KCNIP4: variants seen among roughly 807,000 people sequenced by gnomAD.
The protein encoded by KCNIP4 is potassium voltage-gated channel interacting protein 4.
Under a neutral mutation model 34.0 loss-of-function variants are expected in KCNIP4, and 12 were observed. The ratio of observed to expected loss-of-function variants is 0.35; its 90% CI spans 0.23 to 0.57. The LOEUF is 0.57. KCNIP4 is among the 20% of genes least tolerant of loss of function. The pLI, the probability that KCNIP4 is intolerant of heterozygous loss-of-function variation, is 0.83. For missense variants in KCNIP4, 238 were observed against 311.7 expected, an observed-to-expected ratio of 0.76 and a Z score of 1.78; for synonymous variants, 124 against 102.2, an observed-to-expected ratio of 1.21 and a Z score of -1.29.
intron 1 of KCNIP4, among the ~76,000 whole-genome samples, chr4:21,298,354 G>A (rs1408919423): frequency 1.3e-5 from 2 of 152,034 alleles, no homozygotes; most frequent in Non-Finnish European, 2.9e-5. Context: ...TTCAATGCTG[G>A]ATGCACTTAC....
At chr4:21,346,075 T>C (rs1403147383) in intron 1 of KCNIP4, among the ~76,000 whole-genome samples, 2 of 129,382 alleles carry the variant, frequency 1.5e-5, no homozygotes, top group Non-Finnish European at 3.1e-5. Flanking sequence ...GTGTAATATA[T>C]ATATTTAAGA....
intron 1 of KCNIP4, among the ~76,000 whole-genome samples, chr4:21,890,775 A>G (rs1270139808): frequency 6.6e-6 from 1 of 152,106 alleles, no homozygotes; most frequent in African/African-American, 2.4e-5. Flanking sequence ...CCTCTTGGGA[A>G]AAGCATGCAT....
At chr4:21,016,548 G>A (rs1407518235) in intron 1 of KCNIP4, among the ~76,000 whole-genome samples, 1 of 152,110 alleles carries the variant, frequency 6.6e-6, no homozygotes, top group Non-Finnish European at 1.5e-5. Context: ...GCCCGCCTCG[G>A]CCTCCCAAAG....
At chr4:21,049,903 T>C (rs1165249245) in intron 1 of KCNIP4, among the ~76,000 whole-genome samples, 1 of 152,248 alleles carries the variant, frequency 6.6e-6, no homozygotes, top group Non-Finnish European at 1.5e-5. Context: ...ACTTTAGCTG[T>C]TGTTAGTTAA....
intron 2 of KCNIP4, among the ~76,000 whole-genome samples, chr4:20,878,412 A>G (rs1179602795): frequency 6.6e-6 from 1 of 152,138 alleles, no homozygotes; most frequent in Non-Finnish European, 1.5e-5. Flanking sequence ...AAGGACTTAA[A>G]AGACATCTTG....
At chr4:21,728,105 C>T (rs2109106136) in intron 1 of KCNIP4, among the ~76,000 whole-genome samples, 1 of 152,192 alleles carries the variant, frequency 6.6e-6, no homozygotes, top group African/African-American at 2.4e-5. Flanking sequence ...CCAGGTAATT[C>T]CATCTCAGTA....
At chr4:21,495,994 A>G (rs1162423387) in intron 1 of KCNIP4, among the ~76,000 whole-genome samples, 4 of 152,216 alleles carry the variant, frequency 2.6e-5, no homozygotes, top group Non-Finnish European at 5.9e-5. Context: ...TTGAGCCTTC[A>G]GCTGATTTTG....
chr4:20,857,309 C>T (rs987686808), intron 2 of KCNIP4, among the ~76,000 whole-genome samples: 1 of 152,070 alleles, frequency 6.6e-6, no homozygotes, highest in African/African-American at 2.4e-5. Flanking sequence ...CGTAGGACTG[C>T]GAATTCTCAT....
chr4:20,795,222 G>A (rs1366595291), intron 3 of KCNIP4, among the ~76,000 whole-genome samples: 1 of 152,100 alleles, frequency 6.6e-6, no homozygotes, highest in East Asian at 1.9e-4. Context: ...TCTTCTTTAT[G>A]GGAAGATAGA....
At chr4:21,012,918 G>C (rs1739186872) in intron 1 of KCNIP4, among the ~76,000 whole-genome samples, 1 of 152,130 alleles carries the variant, frequency 6.6e-6, no homozygotes, top group African/African-American at 2.4e-5. Flanking sequence ...ATTTACCCTG[G>C]CACAGAATGC....
intron 8 of KCNIP4, among the ~76,000 whole-genome samples, chr4:20,730,477 C>T (rs941126091): frequency 2.0e-5 from 3 of 151,838 alleles, no homozygotes; most frequent in African/African-American, 4.9e-5. Context: ...TTTTGGCATT[C>T]TATGTAGATC....
At chr4:21,676,023 T>C (rs1749865185) in intron 1 of KCNIP4, among the ~76,000 whole-genome samples, 1 of 152,136 alleles carries the variant, frequency 6.6e-6, no homozygotes. Context: ...ACAACAATTA[T>C]ATACTGAGAA....
intron 3 of KCNIP4, among the ~76,000 whole-genome samples, chr4:20,831,597 G>A (rs2149458723): frequency 6.6e-6 from 1 of 152,228 alleles, no homozygotes; most frequent in South Asian, 2.1e-4. Context: ...TAATTAATTA[G>A]AAAAATCTGG....
intron 1 of KCNIP4, among the ~76,000 whole-genome samples, chr4:21,337,119 G>GGA (rs1716254745): frequency 6.8e-6 from 1 of 146,638 alleles, no homozygotes; most frequent in Non-Finnish European, 1.5e-5. Flanking sequence ...GCAAGGATAT[G>GGA]GAGAGAGGCA....
rs1746825827 is a variant in KCNIP4, at chr4:20,728,769, T to G, written c.*1313A>C. On this transcript the variant is annotated 3_prime_UTR_variant, in exon 9 of 9. Coordinates refer to ENST00000382152, the MANE Select transcript of KCNIP4 (RefSeq NM_025221.6). ...GCAGGGCAGCTTTCAACATCCTATC[T>G]CTACACCAGAATAGATACCTGATTT... is the stretch of plus-strand genomic sequence containing the variant. The G allele has an allele frequency of 6.6e-6, 1 of 152,614 alleles. No homozygotes were observed. The highest frequency in any genetic ancestry group is 1.5e-5 in the Non-Finnish European group (1 of 68,030). 9.5% of individuals were successfully genotyped at this position (152,614 alleles called of 1,614,324 possible). A position where few individuals can be genotyped will look rare whatever the true frequency, so the allele number is the denominator to read the frequency against.
At chr4:20,939,967 A>G (rs1408314290) in intron 1 of KCNIP4, among the ~76,000 whole-genome samples, 1 of 151,848 alleles carries the variant, frequency 6.6e-6, no homozygotes, top group Non-Finnish European at 1.5e-5. Flanking sequence ...TCATATGTAA[A>G]CTCCTAAGCA....
Position 21,080,354 on chromosome 4 carries a change from A to G in KCNIP4, c.62-197645T>C, listed in dbSNP as rs567293268. Among the ~76,000 whole-genome samples the G allele has an allele frequency of 3.9e-5, 6 of 152,068 alleles. No homozygotes were observed. In the South Asian group the frequency reaches 1.2e-3, roughly 32 times the overall value. ...ACAAACACTATAGAAGTGTACGCTA[A>G]TATTTTCATTATTATGCTTACCTCT... is the stretch of plus-strand genomic sequence containing the variant. On this transcript the variant is annotated intron_variant, in intron 1 of 8. Coordinates refer to ENST00000382152, the MANE Select transcript of KCNIP4 (RefSeq NM_025221.6).
chr4:21,505,622 T>A (rs1399906665), intron 1 of KCNIP4, among the ~76,000 whole-genome samples: 1 of 152,166 alleles, frequency 6.6e-6, no homozygotes, highest in Non-Finnish European at 1.5e-5. Flanking sequence ...CTGTTCTCCA[T>A]CTGTATTATT....
At position 21,370,652 on chromosome 4, in the gene KCNIP4, C is replaced by A. The variant is rs183271775; in HGVS notation, c.62-487943G>T. On this transcript the variant is annotated intron_variant, in intron 1 of 8. Coordinates refer to ENST00000382152, the MANE Select transcript of KCNIP4 (RefSeq NM_025221.6). ...AAGGCTTAGCCAAGAAGATGATATG[C>A]GGACATATAAGCTCTGAAGCGCTGA... 3.5e-3 allele frequency among the ~76,000 whole-genome samples: 491 copies of A among 140,636 alleles called. 8 individuals are homozygous for A. The highest frequency in any genetic ancestry group is 5.9e-3 in the Non-Finnish European group (396 of 67,476). 92.3% of individuals were successfully genotyped at this position (140,636 alleles called of 152,430 possible).
Sources: gnomAD v4.1 joint callset for allele counts (sites outside exome capture counted in the v4.1 genomes callset) on GRCh38, gnomAD v4.1.1 for gene constraint, MANE v1.5 for transcripts, NCBI Gene and HGNC (gene_info 2026-07-23, HGNC 2026-07-21) for gene names.